The following SLC4A8 variants were observed in gnomAD, a reference collection of about 807,000 sequenced individuals.
SLC4A8 encodes solute carrier family 4 member 8.
Under a neutral mutation model 125.0 loss-of-function variants are expected in SLC4A8, and 40 were observed. That is an observed-to-expected ratio of 0.32 (90% CI 0.25 to 0.42). The LOEUF (loss-of-function observed/expected upper bound fraction) is 0.42, where lower values mean the gene tolerates loss of function less well. Ranked by LOEUF, SLC4A8 falls within the 10% of genes least tolerant of loss-of-function variation. SLC4A8 has a pLI of 1.00. For missense variants in SLC4A8, 863 were observed against 1,355.1 expected, an observed-to-expected ratio of 0.64 and a Z score of 5.70; for synonymous variants, 456 against 476.0, an observed-to-expected ratio of 0.96 and a Z score of 0.55.
upstream of SLC4A8, among the ~76,000 whole-genome samples, chr12:51,421,035 TGC>T (rs1769957101): frequency 6.6e-6 from 1 of 152,218 alleles, no homozygotes; most frequent in Non-Finnish European, 1.5e-5. Context: ...TGTGTGTGTG[TGC>T]ATGTGTTGTC....
chr12:51,437,164 G>A (rs1334024507), intron 1 of SLC4A8, among the ~76,000 whole-genome samples: 1 of 152,082 alleles, frequency 6.6e-6, no homozygotes, highest in African/African-American at 2.4e-5. Flanking sequence ...GTTTATTCCA[G>A]TTGGCCTCAA....
intron 1 of SLC4A8, among the ~76,000 whole-genome samples, chr12:51,432,574 T>C (rs905766939): frequency 1.3e-5 from 2 of 151,580 alleles, no homozygotes; most frequent in Non-Finnish European, 2.9e-5. Context: ...AATACAAAAA[T>C]TAGCTGGGCG....
At chr12:51,398,898 C>A (rs1197361117) in intron 1 of SLC4A8, among the ~76,000 whole-genome samples, 1 of 152,086 alleles carries the variant, frequency 6.6e-6, no homozygotes, top group African/African-American at 2.4e-5. Flanking sequence ...TACAGGCGTG[C>A]GCAACCACGC....
intron 21 of SLC4A8, among the ~76,000 whole-genome samples, chr12:51,496,180 C>A (rs1258166012): frequency 6.6e-6 from 1 of 152,186 alleles, no homozygotes; most frequent in African/African-American, 2.4e-5. Flanking sequence ...GGGATCCTAT[C>A]AATTCCAGAT....
chr12:51,488,926 G>T, intron 18 of SLC4A8, 66 bp downstream of exon 18: 1 of 1,334,808 alleles, frequency 7.5e-7, no homozygotes, highest in South Asian at 1.3e-5. Context: ...AAATTTTAGG[G>T]TAAGCACATC....
intron 18 of SLC4A8, among the ~76,000 whole-genome samples, chr12:51,489,387 G>T (rs1951245282): frequency 6.6e-6 from 1 of 152,318 alleles, no homozygotes; most frequent in South Asian, 2.1e-4. Flanking sequence ...ATCTAGAATG[G>T]TCAAGATGTG....
At chr12:51,419,946 T>C (rs1404106836), upstream of SLC4A8, among the ~76,000 whole-genome samples, 1 of 152,196 alleles carries the variant, frequency 6.6e-6, no homozygotes, top group African/African-American at 2.4e-5. Flanking sequence ...CTGGGATGTG[T>C]AGTGTTCCAT....
intron 1 of SLC4A8, among the ~76,000 whole-genome samples, chr12:51,395,329 T>C (rs1948237750): frequency 7.0e-6 from 1 of 142,906 alleles, no homozygotes; most frequent in African/African-American, 2.5e-5. Context: ...GGAAGTCCTA[T>C]GAATTTCTTT....
chr12:51,452,394 T>A, intron 4 of SLC4A8, 135 bp downstream of exon 4: 1 of 990,068 alleles, frequency 1.0e-6, no homozygotes, highest in Non-Finnish European at 1.5e-6. Flanking sequence ...CATTCCAGTG[T>A]CTCCTGTGGA....
chr12:51,439,725 T>G (rs1343881342), intron 1 of SLC4A8, among the ~76,000 whole-genome samples: 1 of 151,934 alleles, frequency 6.6e-6, no homozygotes, highest in Non-Finnish European at 1.5e-5. Flanking sequence ...AAGAAAGACT[T>G]GGTAAGAAAA....
intron 2 of SLC4A8, among the ~76,000 whole-genome samples, chr12:51,446,508 G>A (rs1949776879): frequency 6.6e-6 from 1 of 152,202 alleles, no homozygotes; most frequent in African/African-American, 2.4e-5. Context: ...GCACTATCAA[G>A]GAAGTTGAGT....
chr12:51,470,425 A>G lies in SLC4A8; in HGVS notation c.1558A>G (p.Thr520Ala). ...AIESLFGASM[T>A]GIAYSLFAGQ... ...TGAATCCTTGTTTGGAGCTTCCATG[A>G]CTGGGATTGCTTATTCCTTGTTTGC... The change falls in exon 13 of 25, where the codon ACT becomes GCT. Residue 520 changes from threonine to alanine, a missense_variant. This residue lies in a region of SLC4A8 where 390 missense variants were observed against 634.4 expected (regional missense o/e 0.61). Transcript: ENST00000453097. 1 of 1,614,022 alleles carries G rather than the reference A, an allele frequency of 6.2e-7. No homozygotes were observed. The highest frequency in any genetic ancestry group is 8.5e-7 in the Non-Finnish European group (1 of 1,179,906).
At chr12:51,470,987 A>G (rs568107078) in intron 13 of SLC4A8, among the ~76,000 whole-genome samples, 2 of 152,170 alleles carry the variant, frequency 1.3e-5, no homozygotes, top group South Asian at 2.1e-4. Flanking sequence ...TCATGGGACT[A>G]TGGCCAGCCC....
chr12:51,502,841 T>TC (rs1379603898), intron 22 of SLC4A8, among the ~76,000 whole-genome samples: 1 of 145,820 alleles, frequency 6.9e-6, no homozygotes, highest in Non-Finnish European at 1.5e-5. Flanking sequence ...CGACTAATTT[T>TC]TTTTTTTTTT....
chr12:51,478,624 C>G (rs1950928912), intron 16 of SLC4A8, among the ~76,000 whole-genome samples: 1 of 152,186 alleles, frequency 6.6e-6, no homozygotes, highest in African/African-American at 2.4e-5. Flanking sequence ...TCCAGAGTCT[C>G]TGGAGTTTGT....
At chr12:51,456,575 C>T (rs1446223824) in intron 5 of SLC4A8, among the ~76,000 whole-genome samples, 1 of 152,110 alleles carries the variant, frequency 6.6e-6, no homozygotes, top group Non-Finnish European at 1.5e-5. Context: ...CTGTAACAAC[C>T]TTTTAACAGA....
intron 1 of SLC4A8, among the ~76,000 whole-genome samples, chr12:51,415,156 A>T (rs1948661155): frequency 6.6e-6 from 1 of 151,860 alleles, no homozygotes. Context: ...GTTGGTGCAA[A>T]AGTAATTGTG....
intron 16 of SLC4A8, 51 bp from the exon 17 acceptor site, chr12:51,485,736 T>C: frequency 1.0e-6 from 1 of 978,400 alleles, no homozygotes; most frequent in Non-Finnish European, 1.6e-6. Context: ...TAACCTCTTT[T>C]CTACTGTATT....
chr12:51,440,586 A>G, intron 1 of SLC4A8, 122 bp from the exon 2 acceptor site: 1 of 688,668 alleles, frequency 1.5e-6, no homozygotes, highest in Non-Finnish European at 2.5e-6. Flanking sequence ...TTCACATGTA[A>G]AAATACAGGT....
Sources: gnomAD v4.1 joint callset for allele counts (sites outside exome capture counted in the v4.1 genomes callset) on GRCh38, gnomAD v4.1.1 for gene constraint, gnomAD v4.1.1 regional missense constraint, MANE v1.5 for transcripts, NCBI Gene and HGNC (gene_info 2026-07-23, HGNC 2026-07-21) for gene names.